The following KIF16B variants were observed in gnomAD, a reference collection of about 807,000 sequenced individuals.
The protein encoded by KIF16B is kinesin family member 16B, also known as kinesin-like protein KIF16B.
KIF16B carries 98 observed loss-of-function variants against 156.3 expected under a neutral mutation model. The ratio of observed to expected loss-of-function variants is 0.63; its 90% confidence interval spans 0.53 to 0.74. The LOEUF is 0.74. KIF16B is among the 30% of genes least tolerant of loss of function. The pLI is 0.00. For synonymous variants in KIF16B, 564 were observed against 583.7 expected (o/e 0.97, Z 0.49); for missense variants, 1,421 against 1,606.5 (o/e 0.88, Z 1.97).
At chr20:16,336,246 A>AAGG (rs2064034490) in intron 23 of KIF16B, among the ~76,000 whole-genome samples, 1 of 152,190 alleles carries the variant, frequency 6.6e-6, no homozygotes, top group East Asian at 1.9e-4. Context: ...GTCTATGTAA[A>AAGG]GTGAAGGGCA....
intron 23 of KIF16B, among the ~76,000 whole-genome samples, chr20:16,351,693 C>A (rs1354047520): frequency 1.3e-5 from 2 of 152,224 alleles, no homozygotes; most frequent in African/African-American, 4.8e-5. Flanking sequence ...GGACATGCAT[C>A]TGCAGACACA....
intron 12 of KIF16B, among the ~76,000 whole-genome samples, chr20:16,492,448 C>T (rs2068322582): frequency 6.6e-6 from 1 of 152,218 alleles, no homozygotes; most frequent in Non-Finnish European, 1.5e-5. Context: ...ATTGAAATAG[C>T]ATTCTCCTTT....
At chr20:16,355,896 C>G (rs890947544) in intron 23 of KIF16B, among the ~76,000 whole-genome samples, 6 of 152,206 alleles carry the variant, frequency 3.9e-5, no homozygotes, top group African/African-American at 1.4e-4. Flanking sequence ...ACACTTTATA[C>G]GCACTGATAT....
At chr20:16,435,552 C>G (rs181234646) in intron 12 of KIF16B, among the ~76,000 whole-genome samples, 128 of 152,336 alleles carry the variant, frequency 8.4e-4, no homozygotes, top group Non-Finnish European at 1.3e-3. Context: ...TTCTGATCTG[C>G]AGACTCAGTT....
Position 16,438,354 on chromosome 20 carries a change from G to C in KIF16B, c.1303-8372C>G, listed in dbSNP as rs1024328510. Among the ~76,000 whole-genome samples the C allele has an allele frequency of 3.3e-5, 5 of 152,126 alleles. No homozygotes were observed. The East Asian group carries it at 7.7e-4, about 23-fold the overall frequency. On this transcript the variant is annotated intron_variant, in intron 12 of 25. Coordinates refer to ENST00000354981, the MANE Select transcript of KIF16B (RefSeq NM_024704.5). ...TACAGTGCAGTAAGCTATTTTGAGA[G>C]AGACTATTAATACAACTTTTATTAC...
intron 22 of KIF16B, among the ~76,000 whole-genome samples, chr20:16,359,024 C>T (rs6043912): frequency 0.017 from 2,622 of 152,260 alleles, 83 homozygotes; most frequent in African/African-American, 0.06. Flanking sequence ...ATGTTTGGAA[C>T]AAACTTTTGA....
intron 4 of KIF16B, among the ~76,000 whole-genome samples, chr20:16,515,268 C>T (rs540254173): frequency 7.0e-4 from 107 of 152,124 alleles, no homozygotes; most frequent in African/African-American, 2.4e-3. Context: ...AAATTACTTA[C>T]GGGCCCAACA....
intron 15 of KIF16B, 141 bp from the exon 16 acceptor site, chr20:16,406,597 T>C (rs2065792923): frequency 1.3e-6 from 1 of 765,948 alleles, no homozygotes; most frequent in Non-Finnish European, 2.1e-6. Flanking sequence ...CTCAAAAGTC[T>C]GCTTACTTAA....
chr20:16,375,405 T>C (rs1359268147), intron 19 of KIF16B, among the ~76,000 whole-genome samples: 2 of 152,202 alleles, frequency 1.3e-5, no homozygotes, highest in East Asian at 1.9e-4. Flanking sequence ...CAGCAGCAAT[T>C]TGACTGCTCT....
chr20:16,520,796 G>A (rs2069321317), intron 3 of KIF16B, among the ~76,000 whole-genome samples: 1 of 152,178 alleles, frequency 6.6e-6, no homozygotes, highest in South Asian at 2.1e-4. Context: ...GTGGCATCTG[G>A]TGGGTGCCCC....
At chr20:16,424,484 C>A (rs2066305366) in intron 15 of KIF16B, among the ~76,000 whole-genome samples, 1 of 152,262 alleles carries the variant, frequency 6.6e-6, no homozygotes, top group South Asian at 2.1e-4. Context: ...CAGCCCCCAT[C>A]TCTCCAATTC....
intron 1 of KIF16B, among the ~76,000 whole-genome samples, chr20:16,564,821 G>T (rs551210599): frequency 5.3e-5 from 8 of 151,964 alleles, no homozygotes; most frequent in Non-Finnish European, 1.0e-4. Flanking sequence ...CACTGCACAA[G>T]CCTCCCACAA....
chr20:16,507,925 G>C, intron 7 of KIF16B, 33 bp downstream of exon 7: 4 of 1,612,920 alleles, frequency 2.5e-6, no homozygotes, highest in Non-Finnish European at 3.4e-6. Context: ...AGACCTCAGG[G>C]ATGGAGCCAG....
intron 3 of KIF16B, among the ~76,000 whole-genome samples, chr20:16,516,844 T>C (rs953745165): frequency 3.3e-5 from 5 of 152,110 alleles, no homozygotes; most frequent in African/African-American, 1.2e-4. Context: ...TCTAAGGGGG[T>C]GTGAACCTAG....
rs190821608 is a variant in KIF16B, at chr20:16,299,665, T to C, written c.3795+12670A>G. ...ATGTCCTTAAATGAAGACATTCACA[T>C]TTCCATGAAAAATTCTAATCACATT... is the stretch of plus-strand genomic sequence containing the variant. On this transcript the variant is annotated intron_variant, in intron 25 of 25. Transcript: ENST00000354981. 6.3e-4 allele frequency among the ~76,000 whole-genome samples: 96 copies of C among 152,296 alleles called. No individual in the cohort carries two copies. The East Asian group carries it at 0.011, about 17-fold the overall frequency.
At chr20:16,312,755 C>A (rs1480296187) in intron 24 of KIF16B, among the ~76,000 whole-genome samples, 5 of 144,348 alleles carry the variant, frequency 3.5e-5, no homozygotes, top group African/African-American at 1.3e-4. Flanking sequence ...CATGTTTGTT[C>A]TTCTTTCAGT....
chr20:16,422,010 G>A (rs6043935), intron 15 of KIF16B, among the ~76,000 whole-genome samples: 11,151 of 152,024 alleles, frequency 0.073, 1,341 homozygotes, highest in African/African-American at 0.25. Context: ...TAAAAAATTT[G>A]GTTCCTAACC....
At chr20:16,493,817 T>C (rs1037006060) in intron 12 of KIF16B, among the ~76,000 whole-genome samples, 2 of 152,232 alleles carry the variant, frequency 1.3e-5, no homozygotes, top group South Asian at 4.1e-4. Context: ...CCTTGAGACA[T>C]GCAGAAAAAT....
At position 16,371,775 on chromosome 20, in the gene KIF16B, G is replaced by C. The variant is rs1471097605; in HGVS notation, c.3351-14C>G. ...TAAGCATTGATCCTGTAACACAATG[G>C]AGATGGAGTAGATCTGACACTTCTA... is the stretch of plus-strand genomic sequence containing the variant. On this transcript the variant is annotated splice_polypyrimidine_tract_variant and intron_variant, in intron 20 of 25. Coordinates refer to ENST00000354981, the MANE Select transcript of KIF16B (RefSeq NM_024704.5). 1.3e-6 allele frequency: 2 copies of C among 1,572,112 alleles called. No individual in the cohort carries two copies. Among genetic ancestry groups the C allele is most frequent in the Non-Finnish European group, 1.8e-6 (2 of 1,142,348 alleles).
Sources: gnomAD v4.1 joint callset for allele counts (sites outside exome capture counted in the v4.1 genomes callset) on GRCh38, gnomAD v4.1.1 for gene constraint, MANE v1.5 for transcripts, NCBI Gene and HGNC (gene_info 2026-07-23, HGNC 2026-07-21) for gene names.